The following TMEM79 variants were observed in gnomAD, a reference collection of about 807,000 sequenced individuals.
The protein encoded by TMEM79 is mattrin.
Under a neutral mutation model 31.2 loss-of-function variants are expected in TMEM79, and 30 were observed. The observed-to-expected ratio is 0.96, with a 90% CI of 0.72 to 1.30. TMEM79 has a LOEUF of 1.30. Ranked by LOEUF, TMEM79 falls within the 50% of genes most tolerant of loss-of-function variation. The pLI, the probability that TMEM79 is intolerant of heterozygous loss-of-function variation, is 0.00. For synonymous variants in TMEM79, 213 were observed against 229.5 expected, an observed-to-expected ratio of 0.93 and a Z score of 0.65; for missense variants, 509 against 528.2, an observed-to-expected ratio of 0.96 and a Z score of 0.36.
At chr1:156,290,374 A>C (rs1663280657) in intron 3 of TMEM79, 2 of 151,960 alleles carry the variant, frequency 1.3e-5, no homozygotes, top group Non-Finnish European at 2.9e-5. Flanking sequence ...TAAGAAAAAA[A>C]TAAAAGAAAA....
At position 156,285,504 on chromosome 1, in the gene TMEM79, G is replaced by A; in HGVS notation, c.278G>A (p.Gly93Asp). 1 of 1,614,176 alleles carries A rather than the reference G, an allele frequency of 6.2e-7. No individual in the cohort carries two copies. Among genetic ancestry groups the A allele is most frequent in the Non-Finnish European group, 8.5e-7 (1 of 1,180,044 alleles). The change falls in exon 2 of 4, where the codon GGC becomes GAC. Residue 93 changes from glycine to aspartate, a missense_variant. Physicochemically the swap from Gly to Asp is moderately conservative, Grantham distance 94. Coordinates refer to ENST00000405535, the MANE Select transcript of TMEM79 (RefSeq NM_032323.3). ...QPSAPFPDPP[G>D]WRDIEPEPPE... ...AGTGCTCCGTTCCCGGATCCCCCTG[G>A]CTGGCGGGACATTGAACCAGAGCCC... is the stretch of plus-strand genomic sequence containing the variant.
rs1663228041 is a variant in TMEM79, at chr1:156,288,385, GAGTGC to G, written c.971+1917_971+1921del. On this transcript the variant is annotated intron_variant, in intron 3 of 3. Coordinates refer to ENST00000405535, the MANE Select transcript of TMEM79 (RefSeq NM_032323.3). ...GTGTCTTACTCTGTTACCCAGGCTG[GAGTGC>G]AGTGGCGCAATCTTGGCTCACTACA... Among the ~76,000 whole-genome samples the G allele has an allele frequency of 4.6e-5, 7 of 150,658 alleles. No individual in the cohort carries two copies. In the South Asian group the frequency reaches 1.5e-3, roughly 32 times the overall value.
rs200483036 is a variant in TMEM79, at chr1:156,291,351, C to T, written c.972-34C>T. 5.7e-5 allele frequency: 91 copies of T among 1,602,578 alleles called. No homozygotes were observed. In the East Asian group the frequency reaches 1.9e-3, roughly 34 times the overall value. Reference sequence around the variant, plus strand: ...TGCCAATCAGCTGACGCGCTTCCCTCGAGAGTAGCCTGACCCTTTTCTTGC... The same window carrying T: ...TGCCAATCAGCTGACGCGCTTCCCTTGAGAGTAGCCTGACCCTTTTCTTGC... On this transcript the variant is annotated intron_variant, in intron 3 of 3. Coordinates refer to ENST00000405535, the MANE Select transcript of TMEM79 (RefSeq NM_032323.3).
rs142113954 is a variant in TMEM79, at chr1:156,285,317, C to T, written c.91C>T (p.Arg31Trp). ...SSPQALVPNG[R>W]QPEGEGGAES... is the part of the protein sequence containing the mutation. The stretch of plus-strand genomic sequence containing the variant: ...ACCCCAGGCCTTGGTTCCCAATGGC[C>T]GGCAGCCAGAAGGGGAAGGTGGGGC... Residue 31 changes from arginine to tryptophan, a missense_variant, in exon 2 of 4, where the codon CGG becomes TGG. Arg to Trp is a moderately radical substitution (Grantham distance 101). Coordinates refer to ENST00000405535, the MANE Select transcript of TMEM79 (RefSeq NM_032323.3). 284 of 1,574,564 alleles carry T rather than the reference C, an allele frequency of 1.8e-4. 2 individuals carry two copies. The highest frequency in any genetic ancestry group is 1.7e-3 in the South Asian group (147 of 84,172).
Position 156,291,432 on chromosome 1 carries a change from T to TC in TMEM79, c.1020dup (p.Gly341ArgfsTer75). 1.2e-6 allele frequency: 2 copies of TC among 1,614,068 alleles called. No individual in the cohort carries two copies. The highest frequency in any genetic ancestry group is 2.7e-5 in the African/African-American group (2 of 75,036). On this transcript the variant is annotated frameshift_variant, in exon 4 of 4. Transcript: ENST00000405535. LOFTEE classifies it high-confidence loss of function. ...GCCGTGGGCCGCTCCTTCCGAGGCT[T>TC]CGGCTACGGCCTGACGTTTCTGCCA...
In TMEM79 at chr1:156,285,470, C is replaced by A. The variant is rs762311276; in HGVS notation, c.244C>A (p.Pro82Thr). Residue 82 changes from proline (P) to threonine (T), a missense_variant, in exon 2 of 4, where the codon CCT (proline) becomes ACT (threonine). Physicochemically the swap from Pro to Thr is conservative, Grantham distance 38 (BLOSUM62 -1). Coordinates refer to ENST00000405535, the MANE Select transcript of TMEM79 (RefSeq NM_032323.3). ...EAATLPWGTGPQPSAPFPDPP... is the reference protein window; with the variant it reads ...EAATLPWGTGTQPSAPFPDPP... The stretch of plus-strand genomic sequence containing the variant: ...TGCCACCTTGCCCTGGGGGACTGGC[C>A]CTCAGCCCAGTGCTCCGTTCCCGGA... 1 of 1,614,068 alleles carries A rather than the reference C, an allele frequency of 6.2e-7. No individual in the cohort carries two copies. Among genetic ancestry groups the A allele is most frequent in the South Asian group, 1.1e-5 (1 of 91,084 alleles).
Position 156,285,569 on chromosome 1 carries a change from G to T in TMEM79, c.343G>T (p.Glu115Ter), listed in dbSNP as rs151038552. Residue 115 changes from glutamate to a stop codon, truncating the protein, a stop_gained, in exon 2 of 4, where the codon GAA (glutamate) becomes TAA (stop). Transcript: ENST00000405535. LOFTEE classifies it high-confidence loss of function. ...EPLTKLEELP[E>*]DDANLLPEKA... ...ACTTACCAAGCTAGAGGAGCTGCCC[G>T]AAGACGATGCCAACCTGCTGCCTGA... The T allele has an allele frequency of 6.2e-7, 1 of 1,614,216 alleles. No homozygotes were observed. The highest frequency in any genetic ancestry group is 1.1e-5 in the South Asian group (1 of 91,086).
At chr1:156,283,095 T>G (rs1335630624), upstream of TMEM79, 1 of 382,314 alleles carries the variant, frequency 2.6e-6, no homozygotes. Flanking sequence ...CGTGACTGCT[T>G]TGTCCTACAA....
chr1:156,291,112 A>G, intron 3 of TMEM79: 1 of 443,360 alleles, frequency 2.3e-6, no homozygotes, highest in Non-Finnish European at 4.1e-6. Flanking sequence ...TGTCTCTAAA[A>G]AAATAAAAAT....
Position 156,291,605 on chromosome 1 carries a change from C to T in TMEM79, c.*7C>T, listed in dbSNP as rs1340138887. On this transcript the variant is annotated 3_prime_UTR_variant, in exon 4 of 4. Coordinates refer to ENST00000405535, the MANE Select transcript of TMEM79 (RefSeq NM_032323.3). ...GCCCCGCCCCTGGGGCTGAGCCTCTCCGCCCTCGCCCTCGGAGTAGGGGGT... is the reference window on the plus strand; with the variant it reads ...GCCCCGCCCCTGGGGCTGAGCCTCTTCGCCCTCGCCCTCGGAGTAGGGGGT... 8 of 1,611,212 alleles carry T rather than the reference C, an allele frequency of 5.0e-6. No homozygotes were observed. Among genetic ancestry groups the T allele is most frequent in the Non-Finnish European group, 6.8e-6 (8 of 1,179,308 alleles).
intron 3 of TMEM79, chr1:156,290,947 T>C (rs1305110083): frequency 1.8e-5 from 3 of 165,006 alleles, no homozygotes; most frequent in Admixed American, 5.7e-5. Flanking sequence ...GAGGAAGATA[T>C]TTTACTATAC....
Position 156,285,863 on chromosome 1 carries a change from T to C in TMEM79, c.637T>C (p.Cys213Arg). ...GGGAGCCGCACTCATTCTCTTCCCT[T>C]GCCTACTATACGGGGCATATGCCTT... ...SVGAALILFP[C>R]LLYGAYAFLP... Residue 213 changes from cysteine (C) to arginine (R), a missense_variant, in exon 2 of 4, where the codon TGC becomes CGC. Cys to Arg is a radical substitution (Grantham distance 180, BLOSUM62 -3). Transcript: ENST00000405535. 1 of 1,613,862 alleles carries C rather than the reference T, an allele frequency of 6.2e-7. No individual in the cohort carries two copies. The highest frequency in any genetic ancestry group is 8.5e-7 in the Non-Finnish European group (1 of 1,180,028).
rs1318430203 is a variant in TMEM79 at position 156,286,444 on chromosome 1, T to A, written c.942T>A (p.Pro314=). The change falls in exon 3 of 4, where the codon CCT becomes CCA. Residue 314 remains proline (P), a synonymous_variant. Coordinates refer to ENST00000405535, the MANE Select transcript of TMEM79 (RefSeq NM_032323.3). ...CCCAGGATACCCTCAAACTGCTCCC[T>A]CTGCTCACTGGTCTCTTTGCCGTCT... The part of the protein sequence containing the change: ...YLPQDTLKLL[P]LLTGLFAVSR... 1 of 1,614,190 alleles carries A rather than the reference T, an allele frequency of 6.2e-7. No homozygotes were observed. Among genetic ancestry groups the A allele is most frequent in the Non-Finnish European group, 8.5e-7 (1 of 1,180,032 alleles).
Position 156,286,142 on chromosome 1 carries a change from C to T in TMEM79, c.758-118C>T. On this transcript the variant is annotated intron_variant, in intron 2 of 3. Transcript: ENST00000405535. ...CATGCCCATCTCCTCCCAGGACCAC[C>T]TCCACCCCACTGTGTAGAGCCCATG... The T allele has an allele frequency of 2.2e-6, 3 of 1,363,564 alleles. No homozygotes were observed. The South Asian group carries it at 3.9e-5, about 18-fold the overall frequency. 84.5% of individuals were successfully genotyped at this position (1,363,564 alleles called of 1,614,324 possible).
At chr1:156,284,480 C>T (rs1171781236) in intron 1 of TMEM79, 74 bp downstream of exon 1, 2 of 152,336 alleles carry the variant, frequency 1.3e-5, no homozygotes, top group African/African-American at 4.8e-5. Context: ...TCAGTCCCAT[C>T]CAGAAGCAAT....
Position 156,292,009 on chromosome 1 carries a change from A to G in TMEM79, c.*411A>G. On this transcript the variant is annotated 3_prime_UTR_variant, in exon 4 of 4. Transcript: ENST00000405535. ...AGGCAGAGCCACAGCCAAGGCCCTG[A>G]CCACTTCTGTGCCAGTTGTCTAAGC... 2.4e-6 allele frequency: 1 copy of G among 417,762 alleles called. No homozygotes were observed. The highest frequency in any genetic ancestry group is 4.3e-6 in the Non-Finnish European group (1 of 230,492). 25.9% of individuals were successfully genotyped at this position (417,762 alleles called of 1,614,324 possible).
chr1:156,285,126 C>G (rs1421369758), intron 1 of TMEM79, 58 bp from the exon 2 acceptor site: 45 of 1,433,302 alleles, frequency 3.1e-5, no homozygotes, highest in Non-Finnish European at 3.9e-5. Flanking sequence ...TTCTGTCAAC[C>G]TGTCCTAATA....
Position 156,291,974 on chromosome 1 carries a change from G to C in TMEM79, c.*376G>C. On this transcript the variant is annotated 3_prime_UTR_variant, in exon 4 of 4. Transcript: ENST00000405535. The stretch of plus-strand genomic sequence containing the variant: ...TCTCTGCTCCACTCCCCGGCTTCCC[G>C]TGAGGCAGGAGGCAGAGCCACAGCC... 2.1e-6 allele frequency: 1 copy of C among 476,616 alleles called. No homozygotes were observed. The highest frequency in any genetic ancestry group is 3.5e-5 in the South Asian group (1 of 28,606). 29.5% of individuals were successfully genotyped at this position (476,616 alleles called of 1,614,324 possible). A position where few individuals can be genotyped will look rare whatever the true frequency, so the allele number is the denominator to read the frequency against.
In TMEM79 at chr1:156,286,430, C is replaced by T; in HGVS notation, c.928C>T (p.Leu310Phe). ...VLSTYLPQDT[L>F]KLLPLLTGLF... ...TTCCACTTACCTGCCCCAGGATACC[C>T]TCAAACTGCTCCCTCTGCTCACTGG... The change falls in exon 3 of 4, where the codon CTC (leucine) becomes TTC (phenylalanine). Residue 310 changes from leucine to phenylalanine, a missense_variant. Leu to Phe is a conservative substitution (Grantham distance 22, BLOSUM62 0). Transcript: ENST00000405535. 1 of 1,614,204 alleles carries T rather than the reference C, an allele frequency of 6.2e-7. No homozygotes were observed. Among genetic ancestry groups the T allele is most frequent in the South Asian group, 1.1e-5 (1 of 91,084 alleles).
Sources: gnomAD v4.1 joint callset for allele counts (sites outside exome capture counted in the v4.1 genomes callset) on GRCh38, gnomAD v4.1.1 for gene constraint, MANE v1.5 for transcripts, NCBI Gene and HGNC (gene_info 2026-07-23, HGNC 2026-07-21) for gene names.